Variants in ZNF81 observed in about 807,000 individuals in gnomAD.
ZNF81 encodes zinc finger protein 81 (HFZ20).
In ZNF81, 5 loss-of-function variants were observed where a neutral mutation model predicts 32.3. The observed-to-expected ratio is 0.15, with a 90% CI of 0.08 to 0.33. The LOEUF is 0.33. Among genes scored for constraint, ZNF81 ranks in the 10% least tolerant of loss-of-function variants. The pLI, the probability that ZNF81 is intolerant of heterozygous loss-of-function variation, is 1.00. For synonymous variants in ZNF81, 163 were observed against 166.8 expected (o/e 0.98, Z 0.17); for missense variants, 379 against 479.8 (o/e 0.79, Z 1.96).
chrX:47,889,800 A>G (rs1008476467), intron 3 of ZNF81, among the ~76,000 whole-genome samples: 2 of 110,985 alleles, frequency 1.8e-5, no homozygotes, highest in Non-Finnish European at 3.8e-5. Context: ...TGGGAGCAAG[A>G]GCAAGAGTGA....
chrX:47,844,507 T>G (rs370316123), intron 1 of ZNF81, among the ~76,000 whole-genome samples: 3 of 112,640 alleles, frequency 2.7e-5, no homozygotes, highest in African/African-American at 9.7e-5. Flanking sequence ...GTACTTCTTT[T>G]GTATTACCAA....
intron 2 of ZNF81, among the ~76,000 whole-genome samples, chrX:47,871,485 G>T (rs1401870564): frequency 9.0e-6 from 1 of 111,306 alleles, no homozygotes; most frequent in Non-Finnish European, 1.9e-5. Flanking sequence ...CCAGGTATAT[G>T]CCCCTCAGTA....
At chrX:47,900,824 G>C (rs1285846450) in intron 4 of ZNF81, among the ~76,000 whole-genome samples, 1 of 111,455 alleles carries the variant, frequency 9.0e-6, no homozygotes, top group South Asian at 3.7e-4. Flanking sequence ...GTCAGCCAGA[G>C]ACTTAGGCAG....
At chrX:47,850,362 A>G (rs982656381) in intron 2 of ZNF81, among the ~76,000 whole-genome samples, 4 of 99,503 alleles carry the variant, frequency 4.0e-5, no homozygotes, top group Admixed American at 2.3e-4. Flanking sequence ...AAAAAAAAAA[A>G]AAAGAAAGAA....
At chrX:47,908,787 A>G (rs1191762970) in intron 4 of ZNF81, among the ~76,000 whole-genome samples, 1 of 111,950 alleles carries the variant, frequency 8.9e-6, no homozygotes, top group Non-Finnish European at 1.9e-5. Flanking sequence ...AAATGGGTAT[A>G]TGCTATATGA....
intron 4 of ZNF81, among the ~76,000 whole-genome samples, 191 bp from the exon 5 acceptor site, chrX:47,914,733 G>T (rs782573973): frequency 5.2e-4 from 58 of 111,573 alleles, no homozygotes; most frequent in African/African-American, 1.9e-3. Context: ...TTCTTAGAAT[G>T]GTGCCTGGAA....
intron 1 of ZNF81, chrX:47,841,197 G>C: frequency 1.3e-6 from 1 of 746,908 alleles, no homozygotes; most frequent in Non-Finnish European, 2.1e-6. Flanking sequence ...TCACTGTACT[G>C]TCTGTCAGAG....
chrX:47,916,766 C>A lies in ZNF81; in HGVS notation c.*134C>A. 1.5e-6 allele frequency: 1 copy of A among 682,163 alleles called. No homozygotes were observed. Among genetic ancestry groups the A allele is most frequent in the Non-Finnish European group, 2.0e-6 (1 of 495,968 alleles). 56.2% of individuals were successfully genotyped at this position (682,163 alleles called of 1,213,427 possible). A position where few individuals can be genotyped will look rare whatever the true frequency, so the allele number is the denominator to read the frequency against. ...TAAGGAAAAGCATCAGGCTATCTCA[C>A]TTGAGATGGAAAAAAATTATTCAGA... On this transcript the variant is annotated 3_prime_UTR_variant, in exon 5 of 5. Transcript: ENST00000338637.
At chrX:47,909,561 G>T (rs782520399) in intron 4 of ZNF81, among the ~76,000 whole-genome samples, 4 of 108,716 alleles carry the variant, frequency 3.7e-5, no homozygotes, top group Admixed American at 9.8e-5. Flanking sequence ...TTGTTTTGAC[G>T]TATGTTCCTT....
At chrX:47,854,510 A>C (rs1359125795) in intron 2 of ZNF81, among the ~76,000 whole-genome samples, 3 of 111,949 alleles carry the variant, frequency 2.7e-5, no homozygotes, top group Non-Finnish European at 5.6e-5. Flanking sequence ...CAATAAGCTC[A>C]ATCATGTCTA....
chrX:47,904,148 C>T (rs782677374), intron 4 of ZNF81, among the ~76,000 whole-genome samples: 64 of 111,796 alleles, frequency 5.7e-4, no homozygotes, highest in Non-Finnish European at 7.9e-4. Flanking sequence ...GACATAGGCA[C>T]GGGCAAGGAC....
chrX:47,915,779 C>G lies in ZNF81; in HGVS notation c.1133C>G (p.Thr378Arg). ...FQVSSLLRHQ[T>R]THTGEKLFEC... ...GTGTCATCTCTACTCAGGCATCAGA[C>G]AACTCATACTGGAGAAAAACTCTTT... The change falls in exon 5 of 5, where the codon ACA (threonine) becomes AGA (arginine). Residue 378 changes from threonine to arginine, a missense_variant. Transcript: ENST00000338637. The G allele has an allele frequency of 8.3e-7, 1 of 1,211,336 alleles. No homozygotes were observed. Among genetic ancestry groups the G allele is most frequent in the African/African-American group, 1.7e-5 (1 of 57,673 alleles).
intron 1 of ZNF81, among the ~76,000 whole-genome samples, chrX:47,840,677 T>G (rs2058445329): frequency 9.1e-6 from 1 of 110,176 alleles, no homozygotes; most frequent in Admixed American, 9.6e-5. Context: ...CCGGCTAATT[T>G]TTGTATTTTT....
intron 2 of ZNF81, among the ~76,000 whole-genome samples, chrX:47,862,086 T>C (rs1457637557): frequency 9.0e-6 from 1 of 111,482 alleles, no homozygotes; most frequent in Non-Finnish European, 1.9e-5. Flanking sequence ...GTAGCCTTGT[T>C]TTGGTGAGGT....
rs2058785773 is a variant in ZNF81, at chrX:47,924,511, C to A, written c.*7879C>A. On this transcript the variant is annotated 3_prime_UTR_variant, in exon 5 of 5. Transcript: ENST00000338637. ...GCTTAACATTTTTTCTGATCCATTT[C>A]TTCTCTTCTTCAGGGACATCAATTA... Among the ~76,000 whole-genome samples, 1 of 112,017 alleles carries A rather than the reference C, an allele frequency of 8.9e-6. No homozygotes were observed. The highest frequency in any genetic ancestry group is 9.5e-5 in the Admixed American group (1 of 10,561).
intron 2 of ZNF81, among the ~76,000 whole-genome samples, chrX:47,871,898 C>T (rs1273739352): frequency 2.7e-5 from 3 of 111,989 alleles, no homozygotes; most frequent in Admixed American, 9.5e-5. Context: ...AGCCTAACCC[C>T]GCCTTGTGAG....
chrX:47,883,402 A>G (rs931752307), intron 2 of ZNF81, among the ~76,000 whole-genome samples: 5 of 112,102 alleles, frequency 4.5e-5, no homozygotes, highest in African/African-American at 6.5e-5. Flanking sequence ...TTTAATTTTG[A>G]TAAGGTCCAG....
At chrX:47,867,354 A>T (rs2058564016) in intron 2 of ZNF81, among the ~76,000 whole-genome samples, 1 of 112,393 alleles carries the variant, frequency 8.9e-6, no homozygotes, top group African/African-American at 3.2e-5. Flanking sequence ...ATTTACAAAT[A>T]CAAGTTTTTT....
intron 1 of ZNF81, chrX:47,841,413 C>G: frequency 1.2e-6 from 1 of 839,040 alleles, no homozygotes; most frequent in East Asian, 3.1e-5. Context: ...CTCACGCCAT[C>G]AATCCTTTCG....
Sources: allele counts gnomAD v4.1 joint callset (sites outside exome capture counted in the v4.1 genomes callset), GRCh38; gene constraint gnomAD v4.1.1; transcripts MANE v1.5; gene names NCBI Gene and HGNC (gene_info 2026-07-23, HGNC 2026-07-21).